Variants in SH3RF3 observed in about 807,000 individuals in gnomAD.
SH3RF3 encodes the protein E3 ubiquitin-protein ligase SH3RF3.
A neutral mutation model predicts 66.3 loss-of-function variants in SH3RF3; 29 were observed. The ratio of observed to expected loss-of-function variants is 0.44; its 90% confidence interval spans 0.33 to 0.60. The LOEUF is 0.60. Among genes scored for constraint, SH3RF3 ranks in the 20% least tolerant of loss-of-function variants. The pLI, the probability that SH3RF3 is intolerant of heterozygous loss-of-function variation, is 0.04. For synonymous variants in SH3RF3, 583 were observed against 532.0 expected, an observed-to-expected ratio of 1.10 and a Z score of -1.32; for missense variants, 1,194 against 1,190.9, an observed-to-expected ratio of 1.00 and a Z score of -0.04.
chr2:109,257,346 TGAG>T (rs1472333042), intron 1 of SH3RF3, among the ~76,000 whole-genome samples: 2 of 145,446 alleles, frequency 1.4e-5, no homozygotes, highest in Non-Finnish European at 3.0e-5. Context: ...AGAAAGGAAT[TGAG>T]GAGGGAATGA....
At chr2:109,271,961 T>G (rs1413237227) in intron 1 of SH3RF3, among the ~76,000 whole-genome samples, 1 of 152,286 alleles carries the variant, frequency 6.6e-6, no homozygotes, top group African/African-American at 2.4e-5. Flanking sequence ...TTCAACATGG[T>G]GATGGATAAT....
chr2:109,411,850 A>G (rs1412364749), intron 4 of SH3RF3, among the ~76,000 whole-genome samples: 1 of 152,222 alleles, frequency 6.6e-6, no homozygotes, highest in African/African-American at 2.4e-5. Flanking sequence ...GTAATAGCTT[A>G]CTGTTAAATC....
intron 1 of SH3RF3, among the ~76,000 whole-genome samples, chr2:109,237,187 A>G (rs1679669831): frequency 6.6e-6 from 1 of 152,252 alleles, no homozygotes; most frequent in South Asian, 2.1e-4. Flanking sequence ...ACACTCTGTT[A>G]AAAGTGGTTG....
At chr2:109,386,039 G>A (rs1383856027) in intron 3 of SH3RF3, among the ~76,000 whole-genome samples, 1 of 152,210 alleles carries the variant, frequency 6.6e-6, no homozygotes, top group Non-Finnish European at 1.5e-5. Context: ...GCTGAGGGAT[G>A]AGCTGGAATG....
At chr2:109,232,605 C>T in intron 1 of SH3RF3, among the ~76,000 whole-genome samples, 1 of 152,122 alleles carries the variant, frequency 6.6e-6, no homozygotes. Context: ...AGTCTCTGCC[C>T]CTCCTTCTAC....
chr2:109,434,719 C>T (rs1349712745), intron 6 of SH3RF3, among the ~76,000 whole-genome samples: 3 of 152,228 alleles, frequency 2.0e-5, no homozygotes, highest in Admixed American at 6.5e-5. Context: ...CCAAGCAGCC[C>T]ACTGGCAAGT....
chr2:109,415,167 C>T (rs1676689658), intron 4 of SH3RF3, among the ~76,000 whole-genome samples: 1 of 152,190 alleles, frequency 6.6e-6, no homozygotes, highest in African/African-American at 2.4e-5. Flanking sequence ...CTCCTCCAGA[C>T]TCCCAGAGGG....
At chr2:109,500,635 T>C (rs970656473) in intron 9 of SH3RF3, among the ~76,000 whole-genome samples, 18 of 152,178 alleles carry the variant, frequency 1.2e-4, no homozygotes, top group Admixed American at 1.3e-4. Context: ...AAAAATCTTA[T>C]GATTTTTGGA....
At chr2:109,434,754 T>G (rs547119104) in intron 6 of SH3RF3, among the ~76,000 whole-genome samples, 10 of 152,314 alleles carry the variant, frequency 6.6e-5, no homozygotes, top group Non-Finnish European at 1.0e-4. Context: ...GGATCCCCCC[T>G]CACAGGCCAG....
In SH3RF3 at chr2:109,179,002, A is replaced by AGTGTGTGTGT. The variant is rs1558942597; in HGVS notation, c.573+48889_573+48890insGTGTGTGTGT. Reference sequence around the variant, plus strand: ...TACTTTTTTTCTTATAAAGTATAATAATGTGTGTGTGTGTGTGTGTGTGTG... The same window carrying AGTGTGTGTGT: ...TACTTTTTTTCTTATAAAGTATAATAGTGTGTGTGTATGTGTGTGTGTGTGTGTGTGTGTG... On this transcript the variant is annotated intron_variant, in intron 1 of 9. Coordinates refer to ENST00000309415, the MANE Select transcript of SH3RF3 (RefSeq NM_001099289.3). Among the ~76,000 whole-genome samples the AGTGTGTGTGT allele has an allele frequency of 2.8e-4, 13 of 47,234 alleles. No individual in the cohort carries two copies. The South Asian group carries it at 4.5e-3, about 16-fold the overall frequency. The allele number at this position is 47,234 out of a possible 152,430, so 31.0% of individuals were successfully genotyped here. A position where few individuals can be genotyped will look rare whatever the true frequency, so the allele number is the denominator to read the frequency against.
intron 1 of SH3RF3, among the ~76,000 whole-genome samples, chr2:109,134,377 A>T (rs991258977): frequency 1.3e-5 from 2 of 152,160 alleles, no homozygotes; most frequent in African/African-American, 2.4e-5. Flanking sequence ...ACAGCTCACA[A>T]GAGACCAAAC....
chr2:109,286,287 A>G (rs747153925), intron 1 of SH3RF3, among the ~76,000 whole-genome samples: 3 of 152,178 alleles, frequency 2.0e-5, no homozygotes, highest in Admixed American at 2.0e-4. Context: ...ATGATGGAAA[A>G]GTGTGGTCAA....
chr2:109,370,448 C>G (rs568723580), intron 2 of SH3RF3, among the ~76,000 whole-genome samples: 1 of 152,196 alleles, frequency 6.6e-6, no homozygotes, highest in Admixed American at 6.5e-5. Flanking sequence ...CCATATTGGT[C>G]AGGCTGGTCT....
chr2:109,398,238 C>T (rs868629857), intron 3 of SH3RF3, among the ~76,000 whole-genome samples: 1 of 152,202 alleles, frequency 6.6e-6, no homozygotes, highest in Non-Finnish European at 1.5e-5. Flanking sequence ...TATGGGGCTT[C>T]CTTCCCATCT....
At chr2:109,443,135 C>T (rs375704385) in intron 7 of SH3RF3, among the ~76,000 whole-genome samples, 1 of 152,206 alleles carries the variant, frequency 6.6e-6, no homozygotes, top group Non-Finnish European at 1.5e-5. Context: ...GTGTGGCATG[C>T]GTGCATGGGT....
chr2:109,446,977 C>T (rs1438499896), intron 7 of SH3RF3, among the ~76,000 whole-genome samples: 1 of 151,700 alleles, frequency 6.6e-6, no homozygotes, highest in Non-Finnish European at 1.5e-5. Context: ...AGGGGAGAGA[C>T]GAATAAATCT....
chr2:109,327,352 C>G (rs185907525), intron 1 of SH3RF3, among the ~76,000 whole-genome samples: 1 of 152,308 alleles, frequency 6.6e-6, no homozygotes, highest in East Asian at 1.9e-4. Context: ...TGTGTCTGGA[C>G]CCTCCCTTCA....
rs915020240 is a variant in SH3RF3, at chr2:109,252,643, C to A, written c.574-95031C>A. On this transcript the variant is annotated intron_variant, in intron 1 of 9. Coordinates refer to ENST00000309415, the MANE Select transcript of SH3RF3 (RefSeq NM_001099289.3). ...AGTTGGAAGTATCATAAGTTGAAAA[C>A]GCATGTAATACACCAAACCTACAGA... Among the ~76,000 whole-genome samples the A allele has an allele frequency of 2.0e-5, 3 of 152,192 alleles. No individual in the cohort carries two copies. In the South Asian group the frequency reaches 6.2e-4, roughly 32 times the overall value.
intron 1 of SH3RF3, among the ~76,000 whole-genome samples, chr2:109,280,199 G>A (rs1680850045): frequency 6.6e-6 from 1 of 152,170 alleles, no homozygotes; most frequent in Admixed American, 6.5e-5. Context: ...CTGCACTAGT[G>A]AATGCCCGTG....
Sources: gnomAD v4.1 joint callset for allele counts (sites outside exome capture counted in the v4.1 genomes callset) on GRCh38, gnomAD v4.1.1 for gene constraint, MANE v1.5 for transcripts, NCBI Gene and HGNC (gene_info 2026-07-23, HGNC 2026-07-21) for gene names.